Variants in RGS6 observed in about 807,000 individuals in gnomAD.
RGS6 encodes the protein regulator of G protein signaling 6.
RGS6 carries 30 observed loss-of-function variants against 78.5 expected under a neutral mutation model. The observed-to-expected ratio is 0.38, with a 90% CI of 0.29 to 0.52. The LOEUF is 0.52. Ranked by LOEUF, RGS6 falls within the 20% of genes least tolerant of loss-of-function variation. The pLI, the probability that RGS6 is intolerant of heterozygous loss-of-function variation, is 0.85. For missense variants in RGS6, 495 were observed against 609.7 expected (o/e 0.81, Z 1.98); for synonymous variants, 206 against 206.0 (o/e 1.00, Z 0.00).
At chr14:72,549,528 A>C (rs934373581) in intron 17 of RGS6, among the ~76,000 whole-genome samples, 2 of 152,218 alleles carry the variant, frequency 1.3e-5, no homozygotes, top group Admixed American at 1.3e-4. Flanking sequence ...CTTTTACCCA[A>C]TGCCAGTTCC....
At chr14:72,509,888 G>T (rs947988882) in intron 13 of RGS6, among the ~76,000 whole-genome samples, 67 of 152,150 alleles carry the variant, frequency 4.4e-4, no homozygotes, top group African/African-American at 1.5e-3. Context: ...TTAATCAATG[G>T]CATGGTAGAC....
At chr14:72,414,890 G>T (rs955778521) in intron 3 of RGS6, among the ~76,000 whole-genome samples, 1 of 152,228 alleles carries the variant, frequency 6.6e-6, no homozygotes, top group African/African-American at 2.4e-5. Flanking sequence ...CGCAAGTGCT[G>T]CTGCCTGATC....
At chr14:71,917,365 T>TGCC in the RGS6 span, among the ~76,000 whole-genome samples, 2,297 of 152,292 alleles carry the variant, frequency 0.015, 60 homozygotes, top group African/African-American at 0.05. Flanking sequence ...CACCCTTTTC[T>TGCC]GCTGCTGCTG....
chr14:72,387,127 A>G (rs1477671707), intron 3 of RGS6, among the ~76,000 whole-genome samples: 1 of 152,142 alleles, frequency 6.6e-6, no homozygotes, highest in Non-Finnish European at 1.5e-5. Context: ...ATTTTGTAAT[A>G]TACATATTAA....
intron 2 of RGS6, among the ~76,000 whole-genome samples, chr14:72,246,220 A>G (rs925420750): frequency 6.6e-6 from 1 of 152,186 alleles, no homozygotes; most frequent in Non-Finnish European, 1.5e-5. Context: ...GTCAATTCAT[A>G]AGGGTTGGAA....
chr14:72,477,766 CAGCCT>C (rs2096274161), intron 11 of RGS6, among the ~76,000 whole-genome samples: 1 of 146,348 alleles, frequency 6.8e-6, no homozygotes, highest in Admixed American at 6.9e-5. Context: ...CGCTGCACTC[CAGCCT>C]AGGCAACAGA....
chr14:72,390,398 G>A (rs1035278250), intron 3 of RGS6, among the ~76,000 whole-genome samples: 31 of 151,610 alleles, frequency 2.0e-4, no homozygotes, highest in Non-Finnish European at 3.7e-4. Context: ...GCACCCGGCC[G>A]GGAGCCATAG....
chr14:72,599,900 C>T, the RGS6 span, among the ~76,000 whole-genome samples: 1 of 152,098 alleles, frequency 6.6e-6, no homozygotes, highest in Non-Finnish European at 1.5e-5. Flanking sequence ...CGGGAAAATT[C>T]TGGCAGAAGC....
At chr14:72,387,858 G>A (rs2088734983) in intron 3 of RGS6, among the ~76,000 whole-genome samples, 1 of 152,132 alleles carries the variant, frequency 6.6e-6, no homozygotes, top group Admixed American at 6.5e-5. Flanking sequence ...GGGCAGGGTT[G>A]GTTTCTTCGG....
chr14:72,081,133 TC>T (rs1176818014), intron 2 of RGS6, among the ~76,000 whole-genome samples: 1 of 152,152 alleles, frequency 6.6e-6, no homozygotes, highest in Non-Finnish European at 1.5e-5. Context: ...TGTTAATTAT[TC>T]CAGTCCATGA....
chr14:71,935,536 A>AT (rs1370698945), intron 1 of RGS6, among the ~76,000 whole-genome samples: 4 of 152,262 alleles, frequency 2.6e-5, no homozygotes, highest in Non-Finnish European at 4.4e-5. Context: ...GGTGGTCCTT[A>AT]TTTTCAAAAA....
chr14:72,232,673 G>C (rs1395019446), intron 2 of RGS6, among the ~76,000 whole-genome samples: 1 of 152,152 alleles, frequency 6.6e-6, no homozygotes, highest in East Asian at 1.9e-4. Context: ...GAGGTGAGGG[G>C]ACTCTCCTGT....
At chr14:72,466,194 T>A (rs2095906695) in intron 7 of RGS6, among the ~76,000 whole-genome samples, 1 of 152,224 alleles carries the variant, frequency 6.6e-6, no homozygotes, top group African/African-American at 2.4e-5. Context: ...TACTGTTACA[T>A]ACCTATTAGA....
At chr14:72,548,462 G>A (rs2097445713) in intron 17 of RGS6, among the ~76,000 whole-genome samples, 1 of 152,022 alleles carries the variant, frequency 6.6e-6, no homozygotes, top group Non-Finnish European at 1.5e-5. Context: ...GGTTGTAATT[G>A]ACGATAAGCT....
chr14:71,891,751 C>T, the RGS6 span, among the ~76,000 whole-genome samples: 2 of 152,186 alleles, frequency 1.3e-5, no homozygotes, highest in African/African-American at 4.8e-5. Context: ...TCTAGGGATT[C>T]TTACAAAGTG....
At chr14:72,484,366 T>A (rs80122809) in intron 12 of RGS6, among the ~76,000 whole-genome samples, 4,525 of 152,300 alleles carry the variant, frequency 0.03, 135 homozygotes, top group East Asian at 0.092. Context: ...AGGCCATACT[T>A]CACTGTCCCT....
chr14:72,242,241 G>C (rs902793806), intron 2 of RGS6, among the ~76,000 whole-genome samples: 3 of 152,150 alleles, frequency 2.0e-5, no homozygotes, highest in Non-Finnish European at 2.9e-5. Flanking sequence ...TAGGGATTCA[G>C]GGGGAAGGCA....
intron 3 of RGS6, among the ~76,000 whole-genome samples, chr14:72,371,721 A>T (rs565386649): frequency 1.3e-5 from 2 of 152,336 alleles, no homozygotes; most frequent in African/African-American, 4.8e-5. Flanking sequence ...AGATCGCACC[A>T]TTGCACTCCA....
intron 2 of RGS6, among the ~76,000 whole-genome samples, chr14:72,020,630 A>G (rs997642417): frequency 4.6e-5 from 7 of 152,206 alleles, no homozygotes; most frequent in African/African-American, 1.4e-4. Flanking sequence ...GTTTTCTGAG[A>G]TCTTCACCAA....
Sources: gnomAD v4.1 joint callset for allele counts (sites outside exome capture counted in the v4.1 genomes callset) on GRCh38, gnomAD v4.1.1 for gene constraint, MANE v1.5 for transcripts, NCBI Gene and HGNC (gene_info 2026-07-23, HGNC 2026-07-21) for gene names.